Variants in GALNT13 observed in about 807,000 individuals in gnomAD.
GALNT13 encodes UDP-GalNAc:polypeptide N-acetylgalactosaminyltransferase 13.
Under a neutral mutation model 64.2 loss-of-function variants are expected in GALNT13, and 28 were observed. The ratio of observed to expected loss-of-function variants is 0.44; its 90% CI spans 0.32 to 0.60. GALNT13 has a LOEUF of 0.60. Among genes scored for constraint, GALNT13 ranks in the 20% least tolerant of loss-of-function variants. The pLI is 0.05. For synonymous variants in GALNT13, 214 were observed against 224.6 expected, an observed-to-expected ratio of 0.95 and a Z score of 0.42; for missense variants, 577 against 669.8, an observed-to-expected ratio of 0.86 and a Z score of 1.53.
intron 2 of GALNT13, among the ~76,000 whole-genome samples, chr2:153,937,386 G>A (rs1424791430): frequency 1.3e-5 from 2 of 152,120 alleles, no homozygotes; most frequent in Non-Finnish European, 1.5e-5. Context: ...AGTCATGAAG[G>A]CAACATATTG....
chr2:154,355,927 T>A (rs918515519), intron 9 of GALNT13, among the ~76,000 whole-genome samples: 1 of 152,056 alleles, frequency 6.6e-6, no homozygotes, highest in African/African-American at 2.4e-5. Context: ...CTTCTGACTT[T>A]CTTCCTGCCA....
At position 154,160,407 on chromosome 2, in the gene GALNT13, G is replaced by T. The variant is rs118068618; in HGVS notation, c.311+19902G>T. ...TTATCAGACAGCCCTATAGAGGAGA[G>T]ACTTGAGTGCAATAATTCTTACCAT... is the stretch of plus-strand genomic sequence containing the variant. On this transcript the variant is annotated intron_variant, in intron 4 of 12. Transcript: ENST00000392825. Among the ~76,000 whole-genome samples the T allele has an allele frequency of 3.7e-4, 57 of 152,226 alleles. 1 individual carries two copies. The East Asian group carries it at 0.01, about 27-fold the overall frequency.
intron 9 of GALNT13, among the ~76,000 whole-genome samples, chr2:154,376,368 G>T (rs564560604): frequency 1.3e-5 from 2 of 152,128 alleles, no homozygotes; most frequent in East Asian, 3.9e-4. Flanking sequence ...CTTTTCCTGG[G>T]CATATTTTGT....
chr2:153,953,434 C>CATT (rs933155703), intron 3 of GALNT13, among the ~76,000 whole-genome samples: 6 of 151,594 alleles, frequency 4.0e-5, no homozygotes, highest in East Asian at 1.9e-4. Context: ...GTAAAGTTGG[C>CATT]ATTATTATTA....
intron 3 of GALNT13, among the ~76,000 whole-genome samples, chr2:154,132,155 A>T (rs953586614): frequency 2.0e-5 from 3 of 152,086 alleles, no homozygotes; most frequent in African/African-American, 7.2e-5. Flanking sequence ...TCACAGACAC[A>T]CCCAGGAACA....
At chr2:153,525,301 T>C in the GALNT13 span, among the ~76,000 whole-genome samples, 260 of 152,250 alleles carry the variant, frequency 1.7e-3, 1 homozygote, top group African/African-American at 6.0e-3. Context: ...TGGCTTCAGG[T>C]GAGACTCAGC....
chr2:153,881,558 A>G (rs1686788752), intron 1 of GALNT13, among the ~76,000 whole-genome samples: 1 of 152,188 alleles, frequency 6.6e-6, no homozygotes, highest in Non-Finnish European at 1.5e-5. Flanking sequence ...TTGCTGTTGC[A>G]GACAACAATA....
intron 3 of GALNT13, among the ~76,000 whole-genome samples, chr2:154,061,630 T>A (rs1277805283): frequency 6.6e-6 from 1 of 152,146 alleles, no homozygotes; most frequent in Non-Finnish European, 1.5e-5. Context: ...GACATGAGAT[T>A]TGAATGGGGA....
chr2:153,381,328 T>C, the GALNT13 span, among the ~76,000 whole-genome samples: 3 of 152,148 alleles, frequency 2.0e-5, no homozygotes, highest in African/African-American at 7.2e-5. Context: ...TTATTTCACA[T>C]GGCTGTGCCT....
At chr2:153,403,623 T>A in the GALNT13 span, among the ~76,000 whole-genome samples, 2 of 152,128 alleles carry the variant, frequency 1.3e-5, no homozygotes, top group Non-Finnish European at 2.9e-5. Context: ...CAGGATATAA[T>A]CTTGTGATGC....
At chr2:153,277,667 C>T in the GALNT13 span, among the ~76,000 whole-genome samples, 6 of 151,950 alleles carry the variant, frequency 3.9e-5, no homozygotes, top group Non-Finnish European at 5.9e-5. Flanking sequence ...ACATTCTCAC[C>T]AACACTGTAT....
At chr2:154,263,349 C>G (rs1233444886) in intron 8 of GALNT13, among the ~76,000 whole-genome samples, 1 of 152,102 alleles carries the variant, frequency 6.6e-6, no homozygotes, top group African/African-American at 2.4e-5. Context: ...GTATATTGTG[C>G]TGAGTACTCC....
chr2:153,569,768 C>G, the GALNT13 span, among the ~76,000 whole-genome samples: 2 of 152,052 alleles, frequency 1.3e-5, no homozygotes, highest in East Asian at 3.9e-4. Flanking sequence ...GTTATATTAT[C>G]AAATAGTAGG....
chr2:153,534,518 CTTTCTTTCTTTTT>C, the GALNT13 span, among the ~76,000 whole-genome samples: 1 of 123,776 alleles, frequency 8.1e-6, no homozygotes, highest in South Asian at 2.7e-4. Flanking sequence ...GCCCCTCTTT[CTTTCTTTCTTTTT>C]TTTTTTTTTG....
At position 154,041,748 on chromosome 2, in the gene GALNT13, C is replaced by G. The variant is rs1698990041; in HGVS notation, c.142+97109C>G. Among the ~76,000 whole-genome samples, 2 of 140,372 alleles carry G rather than the reference C, an allele frequency of 1.4e-5. 1 individual carries two copies. The highest frequency in any genetic ancestry group is 1.4e-4 in the Admixed American group (2 of 14,020). 92.1% of individuals were successfully genotyped at this position (140,372 alleles called of 152,430 possible). A position where few individuals can be genotyped will look rare whatever the true frequency, so the allele number is the denominator to read the frequency against. On this transcript the variant is annotated intron_variant, in intron 3 of 12. Transcript: ENST00000392825. ...TTACTTTCTTCAAATATGGGAATCT[C>G]TAATGTCTTTCAAAATTACCATGAT...
intron 3 of GALNT13, among the ~76,000 whole-genome samples, chr2:153,986,742 A>T (rs1694825971): frequency 6.6e-6 from 1 of 151,874 alleles, no homozygotes; most frequent in Middle Eastern, 3.2e-3. Flanking sequence ...TACGGAAATG[A>T]GTCATATTGG....
the GALNT13 span, among the ~76,000 whole-genome samples, chr2:153,099,763 A>G: frequency 6.6e-6 from 1 of 152,144 alleles, no homozygotes; most frequent in Non-Finnish European, 1.5e-5. Flanking sequence ...ACTTTGCATA[A>G]TACGTGTTGT....
At chr2:154,250,194 A>G (rs974916729) in intron 7 of GALNT13, among the ~76,000 whole-genome samples, 6 of 152,136 alleles carry the variant, frequency 3.9e-5, no homozygotes, top group African/African-American at 1.4e-4. Flanking sequence ...TTAAATTTAT[A>G]TCTGATAATG....
the GALNT13 span, among the ~76,000 whole-genome samples, chr2:153,684,089 T>C: frequency 7.1e-6 from 1 of 141,330 alleles, no homozygotes; most frequent in African/African-American, 2.6e-5. Context: ...TATATATATA[T>C]ATCCCAGGCC....
Sources: gnomAD v4.1 joint callset for allele counts (sites outside exome capture counted in the v4.1 genomes callset) on GRCh38, gnomAD v4.1.1 for gene constraint, MANE v1.5 for transcripts, NCBI Gene and HGNC (gene_info 2026-07-23, HGNC 2026-07-21) for gene names.